BNIP3: variants seen among roughly 807,000 people sequenced by gnomAD.
The protein encoded by BNIP3 is BCL2 interacting protein 3, also known as BCL2/adenovirus E1B 19 kDa protein-interacting protein 3.
A neutral mutation model predicts 23.9 loss-of-function variants in BNIP3; 16 were observed. The ratio of observed to expected loss-of-function variants is 0.67; its 90% CI spans 0.45 to 1.01. The LOEUF is 1.01. Ranked by LOEUF, BNIP3 falls within the 50% of genes least tolerant of loss-of-function variation. BNIP3 has a pLI of 0.00. For synonymous variants in BNIP3, 81 were observed against 89.3 expected (o/e 0.91, Z 0.53); for missense variants, 198 against 248.7 (o/e 0.80, Z 1.37).
In BNIP3 at chr10:131,970,943, T is replaced by G; in HGVS notation, c.310A>C (p.Lys104Gln). The G allele has an allele frequency of 6.2e-7, 1 of 1,614,200 alleles. No homozygotes were observed. Among genetic ancestry groups the G allele is most frequent in the Non-Finnish European group, 8.5e-7 (1 of 1,180,030 alleles). ...QSEEDDIERR[K>Q]EVESILKKNS... is the part of the protein sequence containing the mutation. Reference sequence around the variant, plus strand: ...TTCTTCAAGATGCTTTCAACTTCTTTCCTTCTTTCAATATCATCTTCCTCA... The same window carrying G: ...TTCTTCAAGATGCTTTCAACTTCTTGCCTTCTTTCAATATCATCTTCCTCA... Residue 104 changes from lysine (K) to glutamine (Q), a missense_variant, in exon 4 of 6, where the codon AAA becomes CAA. Transcript: ENST00000368636. This position sits in a 1 kb window ranked among gnomAD's most constrained non-coding sequence, Gnocchi z 4.1.
chr10:131,970,527 A>C lies in BNIP3; in HGVS notation c.539+111T>G. 7.1e-7 allele frequency: 1 copy of C among 1,411,252 alleles called. No homozygotes were observed. The highest frequency in any genetic ancestry group is 9.5e-7 in the Non-Finnish European group (1 of 1,052,174). The allele number at this position is 1,411,252 out of a possible 1,614,324, so 87.4% of individuals were successfully genotyped here. A position where few individuals can be genotyped will look rare whatever the true frequency, so the allele number is the denominator to read the frequency against. On this transcript the variant is annotated intron_variant, in intron 5 of 5. Transcript: ENST00000368636. The surrounding 1 kb of genome is among the most constrained non-coding windows in gnomAD (Gnocchi z 4.1). Reference sequence around the variant, plus strand: ...ACGTGGGTGTTTGTGAAAATGCACCAAGCTGTAACTGATGATCTGGACTTC... The same window carrying C: ...ACGTGGGTGTTTGTGAAAATGCACCCAGCTGTAACTGATGATCTGGACTTC...
intron 1 of BNIP3, among the ~76,000 whole-genome samples, chr10:131,974,442 C>G (rs1049630934): frequency 3.9e-5 from 6 of 152,256 alleles, no homozygotes; most frequent in Non-Finnish European, 8.8e-5. Context: ...GGCTGGGGTG[C>G]AGTGGCACGA....
chr10:131,980,146 T>A (rs959667263), intron 1 of BNIP3: 1 of 152,248 alleles, frequency 6.6e-6, no homozygotes, highest in Non-Finnish European at 1.5e-5. Flanking sequence ...GCTGGCCGCC[T>A]TGCACTGCCA....
rs996528467 is a variant in BNIP3 at position 131,971,316 on chromosome 10, C to T, written c.283-346G>A. ...CGTGACATGAGGGCAAAGATGGTGA[C>T]GGCAGCACTGGTTATAAGAAAAGAA... On this transcript the variant is annotated intron_variant, in intron 3 of 5. Coordinates refer to ENST00000368636, the MANE Select transcript of BNIP3 (RefSeq NM_004052.4). 7.3e-5 allele frequency: 22 copies of T among 302,662 alleles called. No homozygotes were observed. The East Asian group carries it at 1.5e-3, about 20-fold the overall frequency. The allele number at this position is 302,662 out of a possible 1,614,324, so 18.7% of individuals were successfully genotyped here. A position where few individuals can be genotyped will look rare whatever the true frequency, so the allele number is the denominator to read the frequency against.
In BNIP3 at chr10:131,970,440, G is replaced by A. The variant is rs2037018454; in HGVS notation, c.539+198C>T. On this transcript the variant is annotated intron_variant, in intron 5 of 5. Transcript: ENST00000368636. The surrounding 1 kb of genome is among the most constrained non-coding windows in gnomAD (Gnocchi z 4.1). ...GTCAGGCCAGACAGCAGCACCACAG[G>A]GCGCCTGTGCTGGGGCCTTTGGGGG... is the stretch of plus-strand genomic sequence containing the variant. 2.8e-6 allele frequency: 2 copies of A among 714,264 alleles called. No homozygotes were observed. Among genetic ancestry groups the A allele is most frequent in the East Asian group, 5.5e-5 (2 of 36,508 alleles). 44.2% of individuals were successfully genotyped at this position (714,264 alleles called of 1,614,324 possible). A position where few individuals can be genotyped will look rare whatever the true frequency, so the allele number is the denominator to read the frequency against.
chr10:131,969,508 A>C (rs2037003287), intron 5 of BNIP3: 1 of 152,222 alleles, frequency 6.6e-6, no homozygotes, highest in Non-Finnish European at 1.5e-5. Context: ...GGACGTGAGA[A>C]TGTGCCCAAG....
intron 3 of BNIP3, among the ~76,000 whole-genome samples, chr10:131,972,018 C>T (rs1488923158): frequency 3.2e-5 from 4 of 125,728 alleles, no homozygotes; most frequent in Non-Finnish European, 4.9e-5. Flanking sequence ...TTCTCACCAG[C>T]AACGAACACC....
intron 5 of BNIP3, 36 bp from the exon 6 acceptor site, chr10:131,968,605 G>A (rs1260493387): frequency 8.4e-6 from 13 of 1,538,478 alleles, no homozygotes; most frequent in African/African-American, 1.4e-5. Flanking sequence ...AATGTATCTT[G>A]TGATTCACAG....
rs1234451615 is a variant in BNIP3 at position 131,973,172 on chromosome 10, A to G, written c.198-54T>C. On this transcript the variant is annotated intron_variant, in intron 2 of 5. Coordinates refer to ENST00000368636, the MANE Select transcript of BNIP3 (RefSeq NM_004052.4). ...CAGAACATCATGTGAACATTCTATC[A>G]TTAGAAGCTCAAACCCCAAAGGCAG... 2.5e-6 allele frequency: 4 copies of G among 1,573,146 alleles called. No homozygotes were observed. In the African/African-American group the frequency reaches 4.1e-5, roughly 16 times the overall value.
chr10:131,979,805 G>C (rs2037105103), intron 1 of BNIP3, among the ~76,000 whole-genome samples: 1 of 152,242 alleles, frequency 6.6e-6, no homozygotes, highest in African/African-American at 2.4e-5. Flanking sequence ...GGCCCCAGAG[G>C]GTACACTCAG....
At position 131,968,348 on chromosome 10, in the gene BNIP3, A is replaced by C; in HGVS notation, c.*176T>G. 5.3e-6 allele frequency: 3 copies of C among 565,374 alleles called. No homozygotes were observed. The South Asian group carries it at 7.0e-5, about 13-fold the overall frequency. The allele number at this position is 565,374 out of a possible 1,614,324, so 35.0% of individuals were successfully genotyped here. A position where few individuals can be genotyped will look rare whatever the true frequency, so the allele number is the denominator to read the frequency against. On this transcript the variant is annotated 3_prime_UTR_variant, in exon 6 of 6. Transcript: ENST00000368636. The stretch of plus-strand genomic sequence containing the variant: ...TTATTGATCCCATAGGTGTAATTAT[A>C]GATCAACATGATTTTAGTGTCTATT...
At chr10:131,981,674 C>A in intron 1 of BNIP3, 87 bp downstream of exon 1, 1 of 1,395,998 alleles carries the variant, frequency 7.2e-7, no homozygotes, top group South Asian at 1.5e-5. Flanking sequence ...TAGGCCTCCC[C>A]GGCAACCTCC....
Position 131,968,196 on chromosome 10 carries a change from AT to A in BNIP3, c.*327del, listed in dbSNP as rs1250541479. The A allele has an allele frequency of 5.6e-6, 1 of 179,200 alleles. No homozygotes were observed. Among genetic ancestry groups the A allele is most frequent in the Non-Finnish European group, 1.2e-5 (1 of 84,868 alleles). 11.1% of individuals were successfully genotyped at this position (179,200 alleles called of 1,614,324 possible). ...TTCAGCTGAATTAAGGTTGCAGATA[AT>A]TTTTAAAATACAACACACATCATGA... On this transcript the variant is annotated 3_prime_UTR_variant, in exon 6 of 6. Transcript: ENST00000368636.
chr10:131,971,157 C>T, intron 3 of BNIP3, 187 bp from the exon 4 acceptor site: 1 of 602,226 alleles, frequency 1.7e-6, no homozygotes. Context: ...CGCCGCACTC[C>T]CGGCTCACAG....
chr10:131,974,811 T>C (rs138241794), intron 1 of BNIP3, among the ~76,000 whole-genome samples: 1 of 152,374 alleles, frequency 6.6e-6, no homozygotes, highest in Admixed American at 6.5e-5. Context: ...CTTATTCTTT[T>C]CTATTATCTG....
At chr10:131,973,439 G>A (rs1016084359) in intron 2 of BNIP3, 12 of 460,478 alleles carry the variant, frequency 2.6e-5, no homozygotes, top group African/African-American at 1.4e-4. Flanking sequence ...GACCACTGTC[G>A]GCCACTCTAC....
intron 3 of BNIP3, chr10:131,971,478 C>T (rs1337030708): frequency 3.8e-5 from 6 of 157,334 alleles, no homozygotes; most frequent in Non-Finnish European, 8.4e-5. Context: ...ACAGCTGCGG[C>T]CAAATCCTCA....
chr10:131,971,395 C>A, intron 3 of BNIP3: 2 of 206,186 alleles, frequency 9.7e-6, no homozygotes, highest in Non-Finnish European at 2.0e-5. Flanking sequence ...GGAAGGGACA[C>A]TGTATAGTGA....
intron 3 of BNIP3, 86 bp from the exon 4 acceptor site, chr10:131,971,056 G>A (rs1311644662): frequency 7.3e-6 from 9 of 1,231,462 alleles, no homozygotes; most frequent in East Asian, 2.4e-5. Context: ...CTTCAGATCC[G>A]CAGGCTCAAT....
Sources: allele counts gnomAD v4.1 joint callset (sites outside exome capture counted in the v4.1 genomes callset), GRCh38; gene constraint gnomAD v4.1.1; non-coding constraint Gnocchi (gnomAD v3.1); transcripts MANE v1.5; gene names NCBI Gene and HGNC (gene_info 2026-07-23, HGNC 2026-07-21).